Variants in LEKR1 observed in about 807,000 individuals in gnomAD.
LEKR1 encodes leucine, glutamate and lysine rich 1, also known as protein LEKR1.
LEKR1 carries 59 observed loss-of-function variants against 72.4 expected under a neutral mutation model. The observed-to-expected ratio is 0.82, with a 90% CI of 0.66 to 1.01. LEKR1 has a LOEUF of 1.01. Among genes scored for constraint, LEKR1 ranks in the 50% least tolerant of loss-of-function variants. The pLI, the probability that LEKR1 is intolerant of heterozygous loss-of-function variation, is 0.00. For synonymous variants in LEKR1, 257 were observed against 263.2 expected (o/e 0.98, Z 0.23); for missense variants, 728 against 759.2 (o/e 0.96, Z 0.48).
intron 9 of LEKR1, among the ~76,000 whole-genome samples, chr3:157,006,981 C>G (rs1174975035): frequency 1.3e-5 from 2 of 152,104 alleles, no homozygotes; most frequent in African/African-American, 4.8e-5. Context: ...GTGGGCGGAT[C>G]ATAAGGTCAG....
At chr3:156,932,854 A>G (rs1382950403) in intron 5 of LEKR1, among the ~76,000 whole-genome samples, 1 of 148,854 alleles carries the variant, frequency 6.7e-6, no homozygotes, top group Non-Finnish European at 1.5e-5. Context: ...CATGATGAAA[A>G]CCTGTCTCTA....
At chr3:156,931,423 GA>G (rs1725213993) in intron 5 of LEKR1, among the ~76,000 whole-genome samples, 1 of 152,070 alleles carries the variant, frequency 6.6e-6, no homozygotes, top group African/African-American at 2.4e-5. Flanking sequence ...GCCACTTAGA[GA>G]AAATATCTGA....
At chr3:156,891,656 T>G (rs1008719952) in intron 3 of LEKR1, among the ~76,000 whole-genome samples, 3 of 152,144 alleles carry the variant, frequency 2.0e-5, no homozygotes, top group African/African-American at 4.8e-5. Flanking sequence ...TTGAAGGGAC[T>G]GGGCCCTGGA....
At chr3:156,911,449 A>G (rs540103694) in intron 3 of LEKR1, among the ~76,000 whole-genome samples, 3 of 152,212 alleles carry the variant, frequency 2.0e-5, no homozygotes, top group African/African-American at 4.8e-5. Flanking sequence ...CCCATTCTCT[A>G]TGCTGTCTGT....
intron 3 of LEKR1, among the ~76,000 whole-genome samples, chr3:156,868,375 C>A (rs1040128435): frequency 1.3e-5 from 2 of 151,924 alleles, no homozygotes; most frequent in Admixed American, 1.3e-4. Context: ...AGTTTTGTCA[C>A]CTATATATGA....
chr3:156,960,411 G>T (rs553911084), intron 6 of LEKR1, among the ~76,000 whole-genome samples: 2 of 152,112 alleles, frequency 1.3e-5, no homozygotes, highest in East Asian at 3.9e-4. Flanking sequence ...TCAGCCTCTG[G>T]AGTAGCTGGG....
chr3:157,015,997 C>A (rs1478222531), intron 10 of LEKR1, among the ~76,000 whole-genome samples: 1 of 151,762 alleles, frequency 6.6e-6, no homozygotes, highest in African/African-American at 2.4e-5. Flanking sequence ...GAAGACACAG[C>A]AATAGAAAAA....
intron 3 of LEKR1, among the ~76,000 whole-genome samples, chr3:156,859,153 A>G (rs1243270286): frequency 6.6e-6 from 1 of 152,224 alleles, no homozygotes; most frequent in East Asian, 1.9e-4. Flanking sequence ...TACACTGGTT[A>G]ATTGCAGTAT....
intron 3 of LEKR1, among the ~76,000 whole-genome samples, chr3:156,883,013 GA>G (rs59215428): frequency 0.073 from 11,117 of 151,452 alleles, 536 homozygotes; most frequent in African/African-American, 0.13. Flanking sequence ...GGGTTGGGGG[GA>G]GGGGGGAGAG....
At chr3:156,894,477 G>C (rs963569399) in intron 3 of LEKR1, among the ~76,000 whole-genome samples, 1 of 152,142 alleles carries the variant, frequency 6.6e-6, no homozygotes, top group African/African-American at 2.4e-5. Context: ...TAGTGCTGTA[G>C]TCTGAATGGT....
chr3:157,004,921 G>A lies in LEKR1; in HGVS notation c.1110-6492G>A, dbSNP rs562144476. On this transcript the variant is annotated intron_variant, in intron 9 of 12. Transcript: ENST00000356539. ...GACGAGGAAAAAATTCCCAAGATAG[G>A]CAGAAGAAAGTAAAAAATATCAGAG... 4.6e-5 allele frequency among the ~76,000 whole-genome samples: 7 copies of A among 151,994 alleles called. No individual in the cohort carries two copies. The South Asian group carries it at 1.5e-3, about 32-fold the overall frequency.
intron 2 of LEKR1, among the ~76,000 whole-genome samples, chr3:156,832,079 T>C (rs1458563766): frequency 6.6e-6 from 1 of 152,184 alleles, no homozygotes; most frequent in Non-Finnish European, 1.5e-5. Flanking sequence ...AGTGAAACTG[T>C]CTTGTAATTG....
chr3:156,871,055 A>T (rs555824198), intron 3 of LEKR1, among the ~76,000 whole-genome samples: 2 of 152,162 alleles, frequency 1.3e-5, no homozygotes, highest in East Asian at 3.9e-4. Context: ...TGCTGCACCC[A>T]CTAACACGTC....
chr3:156,898,539 G>A (rs771061290), intron 3 of LEKR1, among the ~76,000 whole-genome samples: 3 of 152,116 alleles, frequency 2.0e-5, no homozygotes, highest in Admixed American at 6.5e-5. Flanking sequence ...CTTGATCTTG[G>A]ACTTCTCAGT....
intron 3 of LEKR1, among the ~76,000 whole-genome samples, chr3:156,888,115 G>A (rs902480121): frequency 2.0e-5 from 3 of 152,142 alleles, no homozygotes; most frequent in Non-Finnish European, 2.9e-5. Flanking sequence ...TATCTTTAAT[G>A]ACACTATCCA....
intron 6 of LEKR1, among the ~76,000 whole-genome samples, chr3:156,966,749 A>G (rs985920967): frequency 2.0e-5 from 3 of 152,306 alleles, no homozygotes; most frequent in South Asian, 2.1e-4. Flanking sequence ...GCAGACTTGA[A>G]TGTCCCTGTC....
intron 3 of LEKR1, among the ~76,000 whole-genome samples, chr3:156,909,219 A>G (rs1422985899): frequency 6.6e-6 from 1 of 152,164 alleles, no homozygotes; most frequent in African/African-American, 2.4e-5. Flanking sequence ...TAAATTACCC[A>G]GTCTTGAGTA....
intron 11 of LEKR1, among the ~76,000 whole-genome samples, chr3:157,027,845 T>C (rs963503900): frequency 3.9e-5 from 6 of 152,144 alleles, no homozygotes; most frequent in Non-Finnish European, 8.8e-5. Context: ...TGTGCTATCC[T>C]TTGTAGCTTA....
chr3:156,924,516 G>T, intron 4 of LEKR1: 1 of 683,472 alleles, frequency 1.5e-6, no homozygotes, highest in Non-Finnish European at 2.7e-6. Context: ...GCTGATGTCT[G>T]TAAGAACTCT....
Sources: gnomAD v4.1 joint callset for allele counts (sites outside exome capture counted in the v4.1 genomes callset) on GRCh38, gnomAD v4.1.1 for gene constraint, MANE v1.5 for transcripts, NCBI Gene and HGNC (gene_info 2026-07-23, HGNC 2026-07-21) for gene names.